Variants in ACAP1 observed in about 807,000 individuals in gnomAD.
ACAP1 encodes the protein ArfGAP with coiled-coil, ankyrin repeat and PH domains 1, also known as arf-GAP with coiled-coil, ANK repeat and PH domain-containing protein 1.
In ACAP1, 45 loss-of-function variants were observed where a neutral mutation model predicts 98.8. The ratio of observed to expected loss-of-function variants is 0.46; its 90% confidence interval spans 0.36 to 0.58. The LOEUF is 0.58. Ranked by LOEUF, ACAP1 falls within the 20% of genes least tolerant of loss-of-function variation. The probability of loss-of-function intolerance (pLI) is 0.00; values close to 1 mark genes in which losing one functional copy is unlikely to be tolerated. For synonymous variants in ACAP1, 362 were observed against 375.3 expected, an observed-to-expected ratio of 0.96 and a Z score of 0.41; for missense variants, 735 against 971.4, an observed-to-expected ratio of 0.76 and a Z score of 3.24.
At position 7,343,343 on chromosome 17, in the gene ACAP1, G is replaced by C. The variant is rs201358578; in HGVS notation, c.345-36G>C. On this transcript the variant is annotated intron_variant, in intron 5 of 21. Transcript: ENST00000158762. The surrounding 1 kb of genome is among the most constrained non-coding windows in gnomAD (Gnocchi z 4.9). ...GAATGCTCTGCTGGGGCAGGTGGGT[G>C]TTAGCTGCGATTCTGTGTTATTTTC... The C allele has an allele frequency of 1.9e-4, 303 of 1,587,346 alleles. 1 individual carries two copies. In the African/African-American group the frequency reaches 3.3e-3, roughly 18 times the overall value.
Position 7,351,389 on chromosome 17 carries a change from G to T in ACAP1, c.2217G>T (p.Thr739=), listed in dbSNP as rs747055837. The change falls in exon 22 of 22, where the codon ACG becomes ACT. Residue 739 remains threonine (T), a synonymous_variant. Coordinates refer to ENST00000158762, the MANE Select transcript of ACAP1 (RefSeq NM_014716.4). ...GCCGTCGCAGTCATGACCTCCACAC[G>T]CTGTGACCCGAGGCCCACGGGGCCC... ...KLSRRSHDLH[T]L is the part of the protein sequence containing the mutation. 1.9e-6 allele frequency: 3 copies of T among 1,610,678 alleles called. No individual in the cohort carries two copies. Among genetic ancestry groups the T allele is most frequent in the African/African-American group, 2.7e-5 (2 of 74,836 alleles).
At chr17:7,349,227 T>C in intron 18 of ACAP1, 60 bp downstream of exon 18, 1 of 1,583,408 alleles carries the variant, frequency 6.3e-7, no homozygotes, top group Admixed American at 1.7e-5. Context: ...CTCCTGACTC[T>C]GGGCCCTGCC....
At chr17:7,351,034 A>G in intron 21 of ACAP1, 35 bp downstream of exon 21, 2 of 1,604,236 alleles carry the variant, frequency 1.2e-6, no homozygotes, top group Non-Finnish European at 1.7e-6. Flanking sequence ...CCCAGGCCCA[A>G]CACCTGAACT....
Position 7,343,681 on chromosome 17 carries a change from T to G in ACAP1, c.529-25T>G. On this transcript the variant is annotated intron_variant, in intron 6 of 21. Coordinates refer to ENST00000158762, the MANE Select transcript of ACAP1 (RefSeq NM_014716.4). The surrounding 1 kb of genome is among the most constrained non-coding windows in gnomAD (Gnocchi z 4.9). ...TGTCTTCAAGACTGATCTGGGGTTT[T>G]TTACGTCCTCTTTTACGTCCTCAGA... The G allele has an allele frequency of 1.2e-6, 2 of 1,611,554 alleles. No homozygotes were observed. Among genetic ancestry groups the G allele is most frequent in the Non-Finnish European group, 1.7e-6 (2 of 1,178,430 alleles).
chr17:7,349,876 C>A, intron 18 of ACAP1, 69 bp from the exon 19 acceptor site: 1 of 1,317,488 alleles, frequency 7.6e-7, no homozygotes, highest in South Asian at 1.3e-5. Context: ...CTGGCGCCAC[C>A]CTAAGACATC....
rs759890204 is a variant in ACAP1, at chr17:7,346,836, C to G, written c.1036C>G (p.Arg346Gly). Residue 346 changes from arginine (R) to glycine (G), a missense_variant, in exon 13 of 22, where the codon CGC becomes GGC. Physicochemically the swap from Arg to Gly is moderately radical, Grantham distance 125 (BLOSUM62 -2). Transcript: ENST00000158762. ...CTGCCTCCTCCAGGCTGACTCAGAG[C>G]GCCTCCTGCAGCTGTGGGTCAGTGC... ...KSCLLQADSE[R>G]LLQLWVSAVQ... 17 of 1,613,144 alleles carry G rather than the reference C, an allele frequency of 1.1e-5. No individual in the cohort carries two copies. Among genetic ancestry groups the G allele is most frequent in the Non-Finnish European group, 1.4e-5 (16 of 1,179,378 alleles).
intron 4 of ACAP1, 42 bp downstream of exon 4, chr17:7,342,370 T>A: frequency 6.2e-7 from 1 of 1,613,598 alleles, no homozygotes; most frequent in Non-Finnish European, 8.5e-7. Flanking sequence ...GGTGGCCAGG[T>A]CACCTGTGGT....
At chr17:7,349,730 C>T (rs2073384067) in intron 18 of ACAP1, 1 of 485,558 alleles carries the variant, frequency 2.1e-6, no homozygotes, top group Non-Finnish European at 3.6e-6. Context: ...AAAATAGTAA[C>T]ATACCTCAAA....
At chr17:7,345,793 T>C (rs1432247515) in intron 10 of ACAP1, 1 of 172,192 alleles carries the variant, frequency 5.8e-6, no homozygotes, top group South Asian at 1.3e-4. Context: ...GGTGGGATTA[T>C]AGCCGCCTGC....
At chr17:7,342,355 G>C in intron 4 of ACAP1, 27 bp downstream of exon 4, 1 of 1,613,846 alleles carries the variant, frequency 6.2e-7, no homozygotes, top group South Asian at 1.1e-5. Flanking sequence ...AAGGATTGTC[G>C]GGGTGGTGGC....
chr17:7,341,333 C>G (rs2073275647), intron 2 of ACAP1, among the ~76,000 whole-genome samples: 2 of 152,124 alleles, frequency 1.3e-5, no homozygotes, highest in African/African-American at 2.4e-5. Context: ...CCTCAGCCTC[C>G]CGGGTTCAAG....
At chr17:7,342,744 T>C (rs908750327) in intron 5 of ACAP1, 4 of 467,378 alleles carry the variant, frequency 8.6e-6, no homozygotes, top group Non-Finnish European at 1.5e-5. Flanking sequence ...TACTAAAAAA[T>C]ACGAAAAAAA....
Position 7,344,751 on chromosome 17 carries a change from G to A in ACAP1, c.854+103G>A. The A allele has an allele frequency of 1.3e-6, 1 of 774,694 alleles. No individual in the cohort carries two copies. Among genetic ancestry groups the A allele is most frequent in the Non-Finnish European group, 2.1e-6 (1 of 466,740 alleles). The allele number at this position is 774,694 out of a possible 1,614,324, so 48.0% of individuals were successfully genotyped here. On this transcript the variant is annotated intron_variant, in intron 10 of 21. Coordinates refer to ENST00000158762, the MANE Select transcript of ACAP1 (RefSeq NM_014716.4). This position sits in a 1 kb window ranked among gnomAD's most constrained non-coding sequence, Gnocchi z 4.9. ...CAAGGAAAAACAGACGAACCCCCCT[G>A]CCTCAGTAGAGTTTCATTCCATCAG...
Position 7,350,468 on chromosome 17 carries a change from C to T in ACAP1, c.2072+231C>T, listed in dbSNP as rs919332179. On this transcript the variant is annotated intron_variant, in intron 20 of 21. Transcript: ENST00000158762. The surrounding 1 kb of genome is among the most constrained non-coding windows in gnomAD (Gnocchi z 4.6). ...GCGGGCAGGGTGCAAGGATGCTTGG[C>T]CCACCCTGAGAGGCGTAATTCGCCC... The T allele has an allele frequency of 8.7e-6, 5 of 577,520 alleles. No homozygotes were observed. Among genetic ancestry groups the T allele is most frequent in the African/African-American group, 7.5e-5 (4 of 53,340 alleles). The allele number at this position is 577,520 out of a possible 1,614,324, so 35.8% of individuals were successfully genotyped here.
chr17:7,347,447 T>TC, intron 14 of ACAP1: 1 of 566,432 alleles, frequency 1.8e-6, no homozygotes, highest in South Asian at 2.4e-5. Flanking sequence ...TGTGTCCTAG[T>TC]CTGGCCAGAA....
chr17:7,346,293 A>G lies in ACAP1; in HGVS notation c.904A>G (p.Lys302Glu). ...CCAACTGGTTTACCAGAAGAAGTAC[A>G]AGGTGAGTGGACCTGGGTCCTGGAT... Reference protein sequence around the residue: ...SNQLVYQKKYKDPVTVVVDDL... With the variant: ...SNQLVYQKKYEDPVTVVVDDL... The change falls in exon 11 of 22, where the codon AAG becomes GAG. Residue 302 changes from lysine (K) to glutamate (E), a missense_variant and splice_region_variant. By Grantham distance (56) the Lys-to-Glu change is moderately conservative (BLOSUM62 1). Transcript: ENST00000158762. 6.2e-7 allele frequency: 1 copy of G among 1,614,214 alleles called. No homozygotes were observed. Among genetic ancestry groups the G allele is most frequent in the South Asian group, 1.1e-5 (1 of 91,086 alleles).
chr17:7,341,064 G>A (rs2143016282), intron 2 of ACAP1, among the ~76,000 whole-genome samples: 1 of 152,210 alleles, frequency 6.6e-6, no homozygotes, highest in Non-Finnish European at 1.5e-5. Context: ...CCTGACCCGT[G>A]GTCTAGATGA....
chr17:7,346,571 G>A, intron 12 of ACAP1, 80 bp downstream of exon 12: 1 of 1,324,306 alleles, frequency 7.6e-7, no homozygotes, highest in South Asian at 1.4e-5. Flanking sequence ...CCACAATGGA[G>A]GCCCCCCATG....
chr17:7,351,042 A>C, intron 21 of ACAP1, 43 bp downstream of exon 21: 2 of 1,589,748 alleles, frequency 1.3e-6, no homozygotes, highest in Non-Finnish European at 1.7e-6. Context: ...CAACACCTGA[A>C]CTCTGGGCTT....
Sources: gnomAD v4.1 joint callset for allele counts (sites outside exome capture counted in the v4.1 genomes callset) on GRCh38, gnomAD v4.1.1 for gene constraint, Gnocchi (gnomAD v3.1) non-coding constraint, MANE v1.5 for transcripts, NCBI Gene and HGNC (gene_info 2026-07-23, HGNC 2026-07-21) for gene names.